Variants in NFIX observed in about 807,000 individuals in gnomAD.
NFIX encodes nuclear factor 1 X-type.
Under a neutral mutation model 53.3 loss-of-function variants are expected in NFIX, and 2 were observed. The observed-to-expected ratio is 0.04, with a 90% CI of 0.02 to 0.12. The LOEUF is 0.12. NFIX is among the 10% of genes least tolerant of loss of function. The pLI is 1.00. For missense variants in NFIX, 310 were observed against 674.5 expected (o/e 0.46, Z 5.99); for synonymous variants, 244 against 289.0 (o/e 0.84, Z 1.58).
chr19:13,035,809 A>T (rs1484110876), intron 2 of NFIX, among the ~76,000 whole-genome samples: 2 of 152,160 alleles, frequency 1.3e-5, no homozygotes, highest in Non-Finnish European at 2.9e-5. Flanking sequence ...AGCAGATGGT[A>T]TGTTTGGGCT....
intron 2 of NFIX, among the ~76,000 whole-genome samples, chr19:13,026,894 CTG>C (rs1286599444): frequency 6.6e-6 from 1 of 152,164 alleles, no homozygotes; most frequent in East Asian, 1.9e-4. Flanking sequence ...GTGTGTGTCT[CTG>C]TGTCTTTCTT....
At chr19:13,058,316 CCT>C (rs1315224673) in intron 2 of NFIX, among the ~76,000 whole-genome samples, 1 of 152,096 alleles carries the variant, frequency 6.6e-6, no homozygotes, top group African/African-American at 2.4e-5. Flanking sequence ...TCCATCTGGA[CCT>C]CGGTAGGCAT....
At chr19:12,997,416 G>T (rs146111645) in intron 1 of NFIX, among the ~76,000 whole-genome samples, 78 of 152,316 alleles carry the variant, frequency 5.1e-4, no homozygotes, top group Non-Finnish European at 1.0e-3. Flanking sequence ...GTTGGCGAGG[G>T]CGCACCGGCA....
chr19:13,088,759 C>T lies in NFIX; in HGVS notation c.1402+623C>T, dbSNP rs2017955001. On this transcript the variant is annotated intron_variant, in intron 9 of 10. Coordinates refer to ENST00000592199, the MANE Select transcript of NFIX (RefSeq NM_001365902.3). This position sits in a 1 kb window ranked among gnomAD's most constrained non-coding sequence, Gnocchi z 5.9. ...CCTCTCCCGTCCCTTCTCCGCAATT[C>T]CTTTCCCAGGTTAGATGTTCCAAGG... is the stretch of plus-strand genomic sequence containing the variant. Among the ~76,000 whole-genome samples the T allele has an allele frequency of 6.6e-6, 1 of 152,026 alleles. No homozygotes were observed. The highest frequency in any genetic ancestry group is 6.5e-5 in the Admixed American group (1 of 15,270).
intron 2 of NFIX, among the ~76,000 whole-genome samples, chr19:13,033,533 CT>C (rs1432670292): frequency 6.6e-6 from 1 of 152,212 alleles, no homozygotes; most frequent in Non-Finnish European, 1.5e-5. Context: ...TACTTATTAG[CT>C]GTTATTTGGG....
intron 2 of NFIX, among the ~76,000 whole-genome samples, chr19:13,026,646 G>C: frequency 6.6e-6 from 1 of 152,202 alleles, no homozygotes; most frequent in East Asian, 1.9e-4. Context: ...CTAAACGGGC[G>C]GCACTCTGTG....
rs778851431 is a variant in NFIX, at chr19:13,025,002, C to G, written c.28-19C>G. The G allele has an allele frequency of 1.3e-6, 2 of 1,575,296 alleles. No individual in the cohort carries two copies. The highest frequency in any genetic ancestry group is 1.7e-6 in the Non-Finnish European group (2 of 1,161,274). ...CCCGTCCTCCCTCGCCCCGCATGCTCCCGGCTTGCCGCCTGCAGGATGAGT... is the reference window on the plus strand; with the variant it reads ...CCCGTCCTCCCTCGCCCCGCATGCTGCCGGCTTGCCGCCTGCAGGATGAGT... On this transcript the variant is annotated intron_variant, in intron 1 of 10. Transcript: ENST00000592199. This position sits in a 1 kb window ranked among gnomAD's most constrained non-coding sequence, Gnocchi z 7.5.
At chr19:13,008,483 C>T (rs116253036) in intron 1 of NFIX, among the ~76,000 whole-genome samples, 84 of 152,300 alleles carry the variant, frequency 5.5e-4, no homozygotes, top group African/African-American at 1.9e-3. Flanking sequence ...TGGGGTTCTC[C>T]GGGTCCCGGG....
At position 13,079,715 on chromosome 19, in the gene NFIX, G is replaced by A. The variant is rs188195385; in HGVS notation, c.1078+980G>A. 8.5e-5 allele frequency among the ~76,000 whole-genome samples: 13 copies of A among 152,330 alleles called. No individual in the cohort carries two copies. In the East Asian group the frequency reaches 1.4e-3, roughly 16 times the overall value. On this transcript the variant is annotated intron_variant, in intron 7 of 10. Transcript: ENST00000592199. ...CCCTCTACACAGGCAGCAGGAGGGC[G>A]CAGGCCTGGCTCCTCCGGCTCCACC...
Position 13,009,119 on chromosome 19 carries a change from C to T in NFIX, c.27+13255C>T, listed in dbSNP as rs1230226412. 2.0e-5 allele frequency among the ~76,000 whole-genome samples: 3 copies of T among 152,206 alleles called. No individual in the cohort carries two copies. Among genetic ancestry groups the T allele is most frequent in the South Asian group, 2.1e-4 (1 of 4,832 alleles). On this transcript the variant is annotated intron_variant, in intron 1 of 10. Coordinates refer to ENST00000592199, the MANE Select transcript of NFIX (RefSeq NM_001365902.3). The surrounding 1 kb of genome is among the most constrained non-coding windows in gnomAD (Gnocchi z 4.7). Reference sequence around the variant, plus strand: ...GCCTGTCACAAGCACCGCCGCACACCGGCACAATCTGTCGTCCACGCACAG... The same window carrying T: ...GCCTGTCACAAGCACCGCCGCACACTGGCACAATCTGTCGTCCACGCACAG...
At chr19:13,004,610 C>T (rs537785025) in intron 1 of NFIX, among the ~76,000 whole-genome samples, 44 of 152,260 alleles carry the variant, frequency 2.9e-4, no homozygotes, top group Non-Finnish European at 5.6e-4. Context: ...GCAGCAGCTA[C>T]AGCCACCCCA....
At position 13,051,855 on chromosome 19, in the gene NFIX, G is replaced by T. The variant is rs1412473593; in HGVS notation, c.560-21192G>T. Among the ~76,000 whole-genome samples the T allele has an allele frequency of 6.6e-6, 1 of 152,216 alleles. No homozygotes were observed. The highest frequency in any genetic ancestry group is 1.5e-5 in the Non-Finnish European group (1 of 68,042). On this transcript the variant is annotated intron_variant, in intron 2 of 10. Transcript: ENST00000592199. The surrounding 1 kb of genome is among the most constrained non-coding windows in gnomAD (Gnocchi z 5.1). ...GCCGCCTTAGCAGGTGCCTGGAGGG[G>T]GCGGGGCGGCTCCCGGGAGCAGCCG... is the stretch of plus-strand genomic sequence containing the variant.
At chr19:13,059,739 CT>C (rs111906867) in intron 2 of NFIX, among the ~76,000 whole-genome samples, 11,196 of 71,750 alleles carry the variant, frequency 0.16, 804 homozygotes, top group African/African-American at 0.29. Context: ...AAGAGGGATG[CT>C]TTTTTTTTTT....
intron 1 of NFIX, among the ~76,000 whole-genome samples, chr19:13,017,212 C>T (rs931336285): frequency 2.0e-5 from 3 of 151,950 alleles, no homozygotes; most frequent in South Asian, 2.1e-4. Flanking sequence ...GGAGCGTGGC[C>T]GAGGGGTGGG....
In NFIX at chr19:13,073,692, T is replaced by C. The variant is rs1413802884; in HGVS notation, c.697+196T>C. Among the ~76,000 whole-genome samples the C allele has an allele frequency of 6.6e-6, 1 of 152,090 alleles. No individual in the cohort carries two copies. Among genetic ancestry groups the C allele is most frequent in the African/African-American group, 2.4e-5 (1 of 41,396 alleles). On this transcript the variant is annotated intron_variant, in intron 4 of 10. Transcript: ENST00000592199. This position sits in a 1 kb window ranked among gnomAD's most constrained non-coding sequence, Gnocchi z 4.5. ...AGGCCTGTCTCCAGTCTCCATTGCT[T>C]TGGAGGAAAAAGAAAAAGTCACAAC...
At chr19:13,000,379 A>T (rs1476072696) in intron 1 of NFIX, among the ~76,000 whole-genome samples, 2 of 152,036 alleles carry the variant, frequency 1.3e-5, no homozygotes, top group African/African-American at 4.8e-5. Context: ...AGAAGACAGG[A>T]TCGAGCACCT....
chr19:13,051,505 G>A lies in NFIX; in HGVS notation c.560-21542G>A, dbSNP rs1167926503. ...GTTCTCCCCTGTCCTTCTCTAGCTGGGATTCCAGCTCTAGTCAGCCAGTGA... is the reference window on the plus strand; with the variant it reads ...GTTCTCCCCTGTCCTTCTCTAGCTGAGATTCCAGCTCTAGTCAGCCAGTGA... On this transcript the variant is annotated intron_variant, in intron 2 of 10. Transcript: ENST00000592199. This position sits in a 1 kb window ranked among gnomAD's most constrained non-coding sequence, Gnocchi z 5.1. Among the ~76,000 whole-genome samples, 2 of 152,172 alleles carry A rather than the reference G, an allele frequency of 1.3e-5. No individual in the cohort carries two copies. The highest frequency in any genetic ancestry group is 4.8e-5 in the African/African-American group (2 of 41,424).
Position 13,088,000 on chromosome 19 carries a change from C to T in NFIX, c.1266C>T (p.Ser422=), listed in dbSNP as rs2017890779. Residue 422 remains serine, a synonymous_variant, in exon 9 of 11, where the codon AGC becomes AGT. Coordinates refer to ENST00000592199, the MANE Select transcript of NFIX (RefSeq NM_001365902.3). ...TATGTTGTTCGCAGCCCAACGGTAG[C>T]GGCCAGGGCAAAGTCCCGGGGTCAT... ...SGQATGQPNG[S]GQGKVPGSFL... The T allele has an allele frequency of 1.5e-5, 23 of 1,536,074 alleles. No homozygotes were observed. The highest frequency in any genetic ancestry group is 2.4e-5 in the East Asian group (1 of 40,884).
At chr19:13,024,109 C>CA in intron 1 of NFIX, 1 of 519,584 alleles carries the variant, frequency 1.9e-6, no homozygotes, top group Non-Finnish European at 3.1e-6. Flanking sequence ...AACAAGCAAA[C>CA]AACCAAAAAA....
Sources: allele counts gnomAD v4.1 joint callset (sites outside exome capture counted in the v4.1 genomes callset), GRCh38; gene constraint gnomAD v4.1.1; non-coding constraint Gnocchi (gnomAD v3.1); transcripts MANE v1.5; gene names NCBI Gene and HGNC (gene_info 2026-07-23, HGNC 2026-07-21).